The following CADM2 variants were observed in gnomAD, a reference collection of about 807,000 sequenced individuals.
CADM2 encodes the protein immunoglobulin superfamily member 4D.
Under a neutral mutation model 49.8 loss-of-function variants are expected in CADM2, and 12 were observed. The observed-to-expected ratio is 0.24, with a 90% confidence interval of 0.15 to 0.39. The LOEUF (loss-of-function observed/expected upper bound fraction) is 0.39. Ranked by LOEUF, CADM2 falls within the 10% of genes least tolerant of loss-of-function variation. The probability of loss-of-function intolerance (pLI) is 1.00; values close to 1 mark genes in which losing one functional copy is unlikely to be tolerated. For synonymous variants in CADM2, 214 were observed against 175.4 expected (o/e 1.22, Z -1.74); for missense variants, 378 against 492.3 (o/e 0.77, Z 2.20).
chr3:85,525,189 T>C (rs1481011576), intron 1 of CADM2, among the ~76,000 whole-genome samples: 1 of 152,208 alleles, frequency 6.6e-6, no homozygotes, highest in Non-Finnish European at 1.5e-5. Context: ...AAGTTTTACA[T>C]ATTAAAATAG....
At chr3:85,879,489 G>A (rs1465665540) in intron 3 of CADM2, among the ~76,000 whole-genome samples, 1 of 151,962 alleles carries the variant, frequency 6.6e-6, no homozygotes, top group Non-Finnish European at 1.5e-5. Flanking sequence ...TTTCCCAAAG[G>A]CTATATATTT....
intron 1 of CADM2, among the ~76,000 whole-genome samples, chr3:85,212,740 C>T (rs1348291761): frequency 6.6e-6 from 1 of 151,872 alleles, no homozygotes; most frequent in African/African-American, 2.4e-5. Flanking sequence ...ACCCCAATTA[C>T]AGTGTTATAA....
rs1402708657 is a variant in CADM2, at chr3:85,100,290, A to G, written c.61+140622A>G. Among the ~76,000 whole-genome samples the G allele has an allele frequency of 1.1e-4, 16 of 152,318 alleles. No individual in the cohort carries two copies. The South Asian group carries it at 3.1e-3, about 30-fold the overall frequency. ...GTCTAATTAAGTTCTGCTTGTCTTC[A>G]TAACCATCGGTTGTGGGTTGCCAAG... On this transcript the variant is annotated intron_variant, in intron 1 of 9. Coordinates refer to ENST00000383699, the MANE Select transcript of CADM2 (RefSeq NM_001167675.2).
chr3:85,658,352 C>T (rs1490030224), intron 1 of CADM2, among the ~76,000 whole-genome samples: 2 of 151,670 alleles, frequency 1.3e-5, no homozygotes, highest in Non-Finnish European at 2.9e-5. Flanking sequence ...TCACTTCATT[C>T]AGAAGAAACT....
At chr3:85,134,126 G>A (rs2039335870) in intron 1 of CADM2, among the ~76,000 whole-genome samples, 1 of 152,212 alleles carries the variant, frequency 6.6e-6, no homozygotes, top group African/African-American at 2.4e-5. Context: ...TCATTGCCTG[G>A]GGCCCGCAGG....
chr3:86,018,537 CTGT>C lies in CADM2; in HGVS notation c.971-47063_971-47061del, dbSNP rs1463284956. ...TATTTCTCCACATCCTCTCTAGCAC[CTGT>C]TGTTTCCTGACTTTTTAATGATTGC... On this transcript the variant is annotated intron_variant, in intron 8 of 9. Coordinates refer to ENST00000383699, the MANE Select transcript of CADM2 (RefSeq NM_001167675.2). 3.3e-5 allele frequency among the ~76,000 whole-genome samples: 5 copies of C among 152,270 alleles called. No individual in the cohort carries two copies. In the South Asian group the frequency reaches 1.0e-3, roughly 32 times the overall value.
At chr3:85,669,148 G>C (rs2065663009) in intron 1 of CADM2, among the ~76,000 whole-genome samples, 1 of 151,816 alleles carries the variant, frequency 6.6e-6, no homozygotes, top group African/African-American at 2.4e-5. Context: ...GACATTTTTA[G>C]TATTCTTCTT....
chr3:85,552,831 C>T (rs1467059176), intron 1 of CADM2, among the ~76,000 whole-genome samples: 1 of 151,892 alleles, frequency 6.6e-6, no homozygotes, highest in African/African-American at 2.4e-5. Flanking sequence ...CGTGTGCCAC[C>T]ACGCCCAGCA....
At chr3:85,999,256 T>C (rs1002058086) in intron 8 of CADM2, among the ~76,000 whole-genome samples, 1 of 134,836 alleles carries the variant, frequency 7.4e-6, no homozygotes, top group Non-Finnish European at 1.6e-5. Flanking sequence ...CCCATCACTT[T>C]GGGAGGCCGA....
chr3:85,759,736 A>C (rs2107895856), intron 2 of CADM2, among the ~76,000 whole-genome samples: 1 of 152,180 alleles, frequency 6.6e-6, no homozygotes, highest in East Asian at 1.9e-4. Flanking sequence ...TGCCCACATA[A>C]AATTATGGGA....
intron 2 of CADM2, among the ~76,000 whole-genome samples, chr3:85,741,587 G>A (rs1379125711): frequency 6.6e-6 from 1 of 152,144 alleles, no homozygotes; most frequent in Non-Finnish European, 1.5e-5. Context: ...AGAATCACTT[G>A]AACCCGGGAG....
intron 3 of CADM2, among the ~76,000 whole-genome samples, chr3:85,857,725 T>C (rs951181881): frequency 6.6e-6 from 1 of 152,188 alleles, no homozygotes; most frequent in African/African-American, 2.4e-5. Flanking sequence ...TCCACAAACT[T>C]AGATCTTAGC....
rs572699185 is a variant in CADM2 at position 85,480,170 on chromosome 3, T to A, written c.62-246352T>A. Among the ~76,000 whole-genome samples, 3 of 151,998 alleles carry A rather than the reference T, an allele frequency of 2.0e-5. No homozygotes were observed. In the South Asian group the frequency reaches 6.2e-4, roughly 32 times the overall value. ...TATATTATTTGAATCATTGTCTATA[T>A]CACTGTGATCTGACAATTTTGACTA... is the stretch of plus-strand genomic sequence containing the variant. On this transcript the variant is annotated intron_variant, in intron 1 of 9. Transcript: ENST00000383699.
intron 3 of CADM2, among the ~76,000 whole-genome samples, chr3:85,880,092 G>A (rs1353543480): frequency 6.6e-6 from 1 of 152,058 alleles, no homozygotes; most frequent in African/African-American, 2.4e-5. Context: ...TCATATAAAT[G>A]GATTCCGTCT....
chr3:84,968,791 A>G (rs2031201801), intron 1 of CADM2, among the ~76,000 whole-genome samples: 1 of 152,196 alleles, frequency 6.6e-6, no homozygotes. Flanking sequence ...CCATTAACAC[A>G]TCTTGCTATG....
At chr3:85,802,717 A>C (rs1290142176) in intron 3 of CADM2, among the ~76,000 whole-genome samples, 2 of 152,152 alleles carry the variant, frequency 1.3e-5, no homozygotes, top group African/African-American at 4.8e-5. Flanking sequence ...GTAGTTTTTA[A>C]AGTTGAATTG....
At chr3:85,162,302 T>G (rs2040351521) in intron 1 of CADM2, among the ~76,000 whole-genome samples, 2 of 152,148 alleles carry the variant, frequency 1.3e-5, no homozygotes, top group Non-Finnish European at 2.9e-5. Flanking sequence ...CCATAACACT[T>G]GAGTTAGGAA....
intron 3 of CADM2, among the ~76,000 whole-genome samples, chr3:85,848,823 ACATGTCAGGCACTGG>A (rs1237796772): frequency 2.6e-5 from 4 of 152,212 alleles, no homozygotes; most frequent in African/African-American, 9.7e-5. Context: ...GTTACTGACT[ACATGTCAGGCACTGG>A]TCTACTTCAT....
chr3:86,008,376 A>C (rs1731060122), intron 8 of CADM2, among the ~76,000 whole-genome samples: 1 of 152,100 alleles, frequency 6.6e-6, no homozygotes, highest in African/African-American at 2.4e-5. Context: ...TATTATAACC[A>C]TCTGATTGAA....
Sources: allele counts gnomAD v4.1 joint callset (sites outside exome capture counted in the v4.1 genomes callset), GRCh38; gene constraint gnomAD v4.1.1; transcripts MANE v1.5; gene names NCBI Gene and HGNC (gene_info 2026-07-23, HGNC 2026-07-21).